The following STX5 variants were observed in gnomAD, a reference collection of about 807,000 sequenced individuals.
STX5 encodes the protein syntaxin 5, also known as syntaxin-5.
In STX5, 15 loss-of-function variants were observed where a neutral mutation model predicts 42.9. The observed-to-expected ratio is 0.35, with a 90% CI of 0.23 to 0.54. STX5 has a LOEUF of 0.54. Among genes scored for constraint, STX5 ranks in the 20% least tolerant of loss-of-function variants. The probability of loss-of-function intolerance (pLI) is 0.91; values close to 1 mark genes in which losing one functional copy is unlikely to be tolerated. For missense variants in STX5, 430 were observed against 455.0 expected (o/e 0.95, Z 0.50); for synonymous variants, 184 against 173.2 (o/e 1.06, Z -0.49).
At chr11:62,814,616 C>G (rs373218940) in intron 10 of STX5, among the ~76,000 whole-genome samples, 15 of 151,810 alleles carry the variant, frequency 9.9e-5, no homozygotes, top group African/African-American at 3.6e-4. Flanking sequence ...CAGGTGCCAC[C>G]ACGCTCAGCT....
chr11:62,811,257 C>G (rs913168643), intron 10 of STX5, among the ~76,000 whole-genome samples: 3 of 152,184 alleles, frequency 2.0e-5, no homozygotes, highest in African/African-American at 7.2e-5. Flanking sequence ...GCCTTCTCTT[C>G]CAAACATCAG....
chr11:62,819,903 T>C (rs1457723927), intron 10 of STX5, among the ~76,000 whole-genome samples: 1 of 150,940 alleles, frequency 6.6e-6, no homozygotes, highest in African/African-American at 2.4e-5. Flanking sequence ...GGTTTCACCA[T>C]TTTGGCCAAG....
intron 2 of STX5, among the ~76,000 whole-genome samples, chr11:62,829,190 T>C (rs2084828381): frequency 6.6e-6 from 1 of 152,006 alleles, no homozygotes; most frequent in African/African-American, 2.4e-5. Flanking sequence ...TTTGGAAGGC[T>C]GAGGCGGGCA....
chr11:62,824,323 GCTT>G, intron 9 of STX5, 36 bp from the exon 10 acceptor site: 1 of 1,614,044 alleles, frequency 6.2e-7, no homozygotes, highest in East Asian at 2.2e-5. Context: ...AGCACCAACA[GCTT>G]CTTCAGGGTC....
In STX5 at chr11:62,831,224, T is replaced by G; in HGVS notation, c.20A>C (p.Tyr7Ser). 1 of 1,563,244 alleles carries G rather than the reference T, an allele frequency of 6.4e-7. No homozygotes were observed. The highest frequency in any genetic ancestry group is 8.7e-7 in the Non-Finnish European group (1 of 1,152,572). The change falls in exon 2 of 11, where the codon TAC (tyrosine) becomes TCC (serine). Residue 7 changes from tyrosine (Y) to serine (S), a missense_variant. By Grantham distance (144) the Tyr-to-Ser change is moderately radical (BLOSUM62 -2). Coordinates refer to ENST00000294179, the MANE Select transcript of STX5 (RefSeq NM_003164.5). ...ACCCTGATCCGTGTTCTTAGACCCG[T>G]AGCGTTTCCGCGGGATCATTGAGAC... MIPRKR[Y>S]GSKNTDQGVY...
chr11:62,829,965 T>A (rs901360085), intron 2 of STX5, among the ~76,000 whole-genome samples: 1 of 146,464 alleles, frequency 6.8e-6, no homozygotes, highest in African/African-American at 2.5e-5. Context: ...CTCGAGAGGC[T>A]AAGGCAGGAG....
intron 10 of STX5, among the ~76,000 whole-genome samples, chr11:62,810,189 C>T (rs570370793): frequency 6.6e-6 from 1 of 151,824 alleles, no homozygotes; most frequent in Non-Finnish European, 1.5e-5. Context: ...CGCCTGTAAT[C>T]CCAGCACTTT....
At chr11:62,818,728 T>C (rs1290825873) in intron 10 of STX5, among the ~76,000 whole-genome samples, 3 of 141,776 alleles carry the variant, frequency 2.1e-5, no homozygotes, top group Non-Finnish European at 4.6e-5. Flanking sequence ...CCTGGTGTGG[T>C]GGTGTATGCC....
intron 10 of STX5, among the ~76,000 whole-genome samples, chr11:62,810,884 CAT>C (rs2084610072): frequency 2.6e-5 from 4 of 152,208 alleles, no homozygotes. Flanking sequence ...TATGCTCCAA[CAT>C]ACTGTAAAAT....
intron 10 of STX5, among the ~76,000 whole-genome samples, chr11:62,820,627 C>T (rs1031545223): frequency 2.0e-5 from 3 of 151,394 alleles, no homozygotes; most frequent in Admixed American, 6.6e-5. Context: ...ATTCTTCTGC[C>T]TCAGCCTCCC....
In STX5 at chr11:62,824,176, T is replaced by C. The variant is rs767701060; in HGVS notation, c.898A>G (p.Thr300Ala). The C allele has an allele frequency of 1.9e-6, 3 of 1,614,180 alleles. No individual in the cohort carries two copies. The South Asian group carries it at 3.3e-5, about 18-fold the overall frequency. The change falls in exon 10 of 11, where the codon ACC becomes GCC. Residue 300 changes from threonine to alanine, a missense_variant. Transcript: ENST00000294179. ...GAGAGTGTATCTCACCTCTGAATGG[T>C]TTCCTCCTGTTCCTTAACCATGTGT... ...LAHMVKEQEE[T>A]IQRIDENVLG...
rs369948467 is a variant in STX5 at position 62,827,229 on chromosome 11, C to T, written c.353-4G>A. 2.8e-5 allele frequency: 46 copies of T among 1,614,154 alleles called. No homozygotes were observed. The highest frequency in any genetic ancestry group is 3.8e-5 in the Non-Finnish European group (45 of 1,180,022). On this transcript the variant is annotated splice_polypyrimidine_tract_variant and splice_region_variant and intron_variant, in intron 4 of 10. Transcript: ENST00000294179. ...AAGAGGGACTTGCGCTTTGCCACTA[C>T]AGAGACAAACAAGAAGCCACAATGG...
intron 5 of STX5, among the ~76,000 whole-genome samples, chr11:62,825,741 G>T (rs2084788748): frequency 6.6e-6 from 1 of 152,144 alleles, no homozygotes; most frequent in Non-Finnish European, 1.5e-5. Context: ...GCAGAGAAGA[G>T]CTACAAAGAG....
intron 10 of STX5, among the ~76,000 whole-genome samples, chr11:62,822,925 T>C (rs987861077): frequency 6.6e-6 from 1 of 152,136 alleles, no homozygotes; most frequent in Non-Finnish European, 1.5e-5. Context: ...GTTGGGCCTC[T>C]GCCTACATCC....
At chr11:62,819,265 A>G (rs577513765) in intron 10 of STX5, among the ~76,000 whole-genome samples, 48 of 141,560 alleles carry the variant, frequency 3.4e-4, no homozygotes, top group Non-Finnish European at 6.8e-4. Context: ...AAGAAGGTGA[A>G]AAAAGTTTAG....
At chr11:62,822,715 T>A (rs1374262492) in intron 10 of STX5, among the ~76,000 whole-genome samples, 8 of 130,594 alleles carry the variant, frequency 6.1e-5, no homozygotes, top group East Asian at 4.6e-4. Context: ...TTTTTTTTTT[T>A]AACATACTAT....
At chr11:62,830,891 G>A (rs946527461) in intron 2 of STX5, 128 bp downstream of exon 2, 9 of 891,606 alleles carry the variant, frequency 1.0e-5, no homozygotes, top group Non-Finnish European at 1.6e-5. Context: ...AGACCCTACA[G>A]GCCCCATCCA....
chr11:62,818,652 G>A (rs2084702485), intron 10 of STX5, among the ~76,000 whole-genome samples: 1 of 147,488 alleles, frequency 6.8e-6, no homozygotes, highest in African/African-American at 2.5e-5. Context: ...AGGAGTTTGA[G>A]ACCTGCCTGG....
At position 62,809,964 on chromosome 11, in the gene STX5, T is replaced by C. The variant is rs570157848; in HGVS notation, c.909-2336A>G. On this transcript the variant is annotated intron_variant, in intron 10 of 10. Transcript: ENST00000294179. ...TAAAAATACAAAAATTAGCTGGATG[T>C]GGTGACGTGCACCTGTAACCCCAGC... 1.4e-3 allele frequency among the ~76,000 whole-genome samples: 219 copies of C among 151,696 alleles called. 1 individual carries two copies. Among genetic ancestry groups the C allele is most frequent in the African/African-American group, 5.2e-3 (214 of 41,394 alleles).
Sources: allele counts gnomAD v4.1 joint callset (sites outside exome capture counted in the v4.1 genomes callset), GRCh38; gene constraint gnomAD v4.1.1; transcripts MANE v1.5; gene names NCBI Gene and HGNC (gene_info 2026-07-23, HGNC 2026-07-21).